Variants in ATP9B observed in about 807,000 individuals in gnomAD.
ATP9B encodes the protein probable phospholipid-transporting ATPase IIB.
A neutral mutation model predicts 146.1 loss-of-function variants in ATP9B; 110 were observed. That is an observed-to-expected ratio of 0.75 (90% CI 0.65 to 0.88). The LOEUF is 0.88. ATP9B is among the 40% of genes least tolerant of loss of function. The probability of loss-of-function intolerance (pLI) is 0.00; values close to 1 mark genes in which losing one functional copy is unlikely to be tolerated. For synonymous variants in ATP9B, 604 were observed against 569.7 expected (o/e 1.06, Z -0.86); for missense variants, 1,499 against 1,496.4 (o/e 1.00, Z -0.03).
At chr18:79,346,884 A>T (rs2096892008) in intron 23 of ATP9B, among the ~76,000 whole-genome samples, 1 of 152,218 alleles carries the variant, frequency 6.6e-6, no homozygotes, top group African/African-American at 2.4e-5. Context: ...TGTACATTTG[A>T]ATAAAGGAGG....
At chr18:79,108,860 A>G (rs1222747418) in intron 2 of ATP9B, among the ~76,000 whole-genome samples, 2 of 152,254 alleles carry the variant, frequency 1.3e-5, no homozygotes, top group East Asian at 1.9e-4. Context: ...GAATGCTACT[A>G]TGGGAGATTT....
At chr18:79,306,887 C>CTACTT (rs1403165494) in intron 14 of ATP9B, 99 bp from the exon 15 acceptor site, 12 of 1,349,056 alleles carry the variant, frequency 8.9e-6, no homozygotes, top group Non-Finnish European at 1.1e-5. Flanking sequence ...TTATTTCTAG[C>CTACTT]TACTTTGCTT....
intron 11 of ATP9B, among the ~76,000 whole-genome samples, chr18:79,247,108 A>G (rs2095975275): frequency 6.6e-6 from 1 of 152,212 alleles, no homozygotes; most frequent in African/African-American, 2.4e-5. Context: ...AATTTATAAT[A>G]CTAAAAATAA....
At chr18:79,311,791 C>T (rs1163939486) in intron 15 of ATP9B, among the ~76,000 whole-genome samples, 1 of 152,180 alleles carries the variant, frequency 6.6e-6, no homozygotes, top group African/African-American at 2.4e-5. Flanking sequence ...CAGTCCGTCG[C>T]CTTCCTATCT....
chr18:79,252,339 A>G (rs2096033903), intron 11 of ATP9B, among the ~76,000 whole-genome samples: 1 of 152,232 alleles, frequency 6.6e-6, no homozygotes. Flanking sequence ...CAGGGCCAGC[A>G]TCTAAATTAG....
At chr18:79,333,973 G>C (rs781755686) in intron 17 of ATP9B, among the ~76,000 whole-genome samples, 3 of 152,168 alleles carry the variant, frequency 2.0e-5, no homozygotes, top group African/African-American at 7.2e-5. Flanking sequence ...CTTAAGCAGC[G>C]AATCTTTCGG....
intron 1 of ATP9B, among the ~76,000 whole-genome samples, chr18:79,084,953 T>C (rs1045151887): frequency 6.6e-6 from 1 of 151,868 alleles, no homozygotes; most frequent in African/African-American, 2.4e-5. Flanking sequence ...ATGATGTTAG[T>C]CCATTCTTGC....
At chr18:79,081,873 C>T (rs540381352) in intron 1 of ATP9B, among the ~76,000 whole-genome samples, 5 of 151,930 alleles carry the variant, frequency 3.3e-5, no homozygotes, top group African/African-American at 4.8e-5. Flanking sequence ...GTGAATCTGA[C>T]GATTATGTGT....
intron 12 of ATP9B, among the ~76,000 whole-genome samples, chr18:79,259,225 C>T (rs1389904178): frequency 6.6e-6 from 1 of 152,092 alleles, no homozygotes; most frequent in Admixed American, 6.6e-5. Flanking sequence ...CATATATGTT[C>T]CCTAAATCCT....
At chr18:79,310,616 C>T (rs1325872370) in intron 15 of ATP9B, among the ~76,000 whole-genome samples, 1 of 152,070 alleles carries the variant, frequency 6.6e-6, no homozygotes. Context: ...TTGGCTGTGA[C>T]CGTGTCCTGA....
At chr18:79,195,192 C>T (rs900409743) in intron 9 of ATP9B, among the ~76,000 whole-genome samples, 1 of 152,150 alleles carries the variant, frequency 6.6e-6, no homozygotes, top group African/African-American at 2.4e-5. Context: ...AAACAAATTC[C>T]ACCTCCCATC....
intron 9 of ATP9B, among the ~76,000 whole-genome samples, chr18:79,198,093 A>T (rs763238409): frequency 6.6e-6 from 1 of 152,224 alleles, no homozygotes; most frequent in Non-Finnish European, 1.5e-5. Context: ...ATATTTTTTT[A>T]AAATTGCAAT....
chr18:79,113,420 G>T (rs973602370), intron 4 of ATP9B, 66 bp downstream of exon 4: 2 of 1,039,536 alleles, frequency 1.9e-6, no homozygotes, highest in Non-Finnish European at 2.8e-6. Context: ...TAAGAGTTGA[G>T]ATGGTTAAAA....
rs370090215 is a variant in ATP9B, at chr18:79,206,598, C to A, written c.955-339C>A. ...TTGCTTGAGCCCAGGAATTTGAGACCAGCCTGGGCAGCATAATAACACCTC... is the reference window on the plus strand; with the variant it reads ...TTGCTTGAGCCCAGGAATTTGAGACAAGCCTGGGCAGCATAATAACACCTC... On this transcript the variant is annotated intron_variant, in intron 9 of 29. Coordinates refer to ENST00000426216, the MANE Select transcript of ATP9B (RefSeq NM_198531.5). Among the ~76,000 whole-genome samples the A allele has an allele frequency of 2.4e-3, 364 of 150,806 alleles. 2 individuals carry two copies. The highest frequency in any genetic ancestry group is 6.6e-3 in the South Asian group (31 of 4,720).
chr18:79,297,509 G>A (rs2146330713), intron 13 of ATP9B, among the ~76,000 whole-genome samples: 1 of 152,272 alleles, frequency 6.6e-6, no homozygotes, highest in South Asian at 2.1e-4. Context: ...ATATATTGTG[G>A]GTATTTTTGG....
chr18:79,370,787 A>G (rs2097064798), intron 26 of ATP9B, among the ~76,000 whole-genome samples: 1 of 152,238 alleles, frequency 6.6e-6, no homozygotes, highest in East Asian at 1.9e-4. Flanking sequence ...CACAGACACC[A>G]CTTCGTCTTC....
intron 8 of ATP9B, among the ~76,000 whole-genome samples, chr18:79,185,924 G>C (rs760442937): frequency 9.2e-5 from 14 of 152,134 alleles, no homozygotes; most frequent in Non-Finnish European, 1.8e-4. Flanking sequence ...AATAACCTTT[G>C]TCCATTCTGT....
intron 7 of ATP9B, among the ~76,000 whole-genome samples, chr18:79,175,197 CAAAAA>C (rs536122117): frequency 1.7e-5 from 1 of 57,448 alleles, no homozygotes; most frequent in African/African-American, 5.6e-5. Context: ...GAGACTGTCT[CAAAAA>C]AAAAAAAAAA....
chr18:79,183,523 C>A (rs1268804301), intron 8 of ATP9B, among the ~76,000 whole-genome samples: 1 of 152,024 alleles, frequency 6.6e-6, no homozygotes, highest in Non-Finnish European at 1.5e-5. Flanking sequence ...TTCATGTTAT[C>A]TGCTAAAGTT....
Sources: gnomAD v4.1 joint callset for allele counts (sites outside exome capture counted in the v4.1 genomes callset) on GRCh38, gnomAD v4.1.1 for gene constraint, MANE v1.5 for transcripts, NCBI Gene and HGNC (gene_info 2026-07-23, HGNC 2026-07-21) for gene names.